KIAA1217: variants seen among roughly 807,000 people sequenced by gnomAD.
KIAA1217 encodes KIAA1217.
Under a neutral mutation model 163.9 loss-of-function variants are expected in KIAA1217, and 88 were observed. The observed-to-expected ratio is 0.54, with a 90% CI of 0.45 to 0.64. The LOEUF (loss-of-function observed/expected upper bound fraction) is 0.64. Among genes scored for constraint, KIAA1217 ranks in the 30% least tolerant of loss-of-function variants. KIAA1217 has a pLI of 0.00. For missense variants in KIAA1217, 2,372 were observed against 2,475.0 expected (o/e 0.96, Z 0.88); for synonymous variants, 903 against 923.1 (o/e 0.98, Z 0.39).
chr10:24,202,538 C>A (rs561283669), intron 2 of KIAA1217, among the ~76,000 whole-genome samples: 2 of 152,310 alleles, frequency 1.3e-5, no homozygotes, highest in East Asian at 3.9e-4. Context: ...GCACCACGGC[C>A]CCCAAGCCTT....
intron 2 of KIAA1217, among the ~76,000 whole-genome samples, chr10:24,026,463 A>T (rs1049023861): frequency 1.3e-5 from 2 of 151,914 alleles, no homozygotes; most frequent in Non-Finnish European, 2.9e-5. Flanking sequence ...TAGGACTATT[A>T]CCTATATCTT....
chr10:24,347,561 C>T (rs1348270207), intron 2 of KIAA1217, among the ~76,000 whole-genome samples: 1 of 152,076 alleles, frequency 6.6e-6, no homozygotes, highest in Non-Finnish European at 1.5e-5. Flanking sequence ...ATGGAAAAAG[C>T]CATAAGGCTT....
intron 2 of KIAA1217, among the ~76,000 whole-genome samples, chr10:24,302,707 G>A (rs917066915): frequency 1.3e-5 from 2 of 152,126 alleles, no homozygotes; most frequent in Non-Finnish European, 2.9e-5. Context: ...GACAGTGTAA[G>A]GGAAATCGAC....
At chr10:24,048,183 T>C (rs1190490707) in intron 2 of KIAA1217, among the ~76,000 whole-genome samples, 1 of 152,230 alleles carries the variant, frequency 6.6e-6, no homozygotes, top group African/African-American at 2.4e-5. Context: ...GGCTCATTAC[T>C]GAGACCAGTT....
At chr10:24,183,115 C>G (rs1041660536) in intron 2 of KIAA1217, among the ~76,000 whole-genome samples, 78 of 152,204 alleles carry the variant, frequency 5.1e-4, no homozygotes, top group African/African-American at 1.7e-3. Context: ...CAGGTTTTCT[C>G]TTTTCACACA....
intron 2 of KIAA1217, among the ~76,000 whole-genome samples, chr10:24,176,975 G>A (rs573411283): frequency 6.6e-6 from 1 of 152,148 alleles, no homozygotes; most frequent in Admixed American, 6.5e-5. Context: ...CGGGTGCTAA[G>A]TCCCTCACTG....
intron 1 of KIAA1217, among the ~76,000 whole-genome samples, chr10:23,906,261 C>G (rs1228306770): frequency 1.3e-5 from 2 of 150,442 alleles, no homozygotes; most frequent in East Asian, 3.9e-4. Context: ...GAAGCACACA[C>G]ACACACACAC....
chr10:23,999,023 A>G (rs1190117928), intron 1 of KIAA1217, among the ~76,000 whole-genome samples: 1 of 152,210 alleles, frequency 6.6e-6, no homozygotes, highest in East Asian at 1.9e-4. Flanking sequence ...GCTTTATATT[A>G]ATATTTCTGA....
At chr10:24,324,369 C>A (rs1470576320) in intron 2 of KIAA1217, among the ~76,000 whole-genome samples, 1 of 152,112 alleles carries the variant, frequency 6.6e-6, no homozygotes, top group Admixed American at 6.5e-5. Context: ...GAGTTTAAGA[C>A]CAGCCTGTCC....
intron 2 of KIAA1217, among the ~76,000 whole-genome samples, chr10:24,379,597 T>C (rs528558735): frequency 4.0e-4 from 61 of 152,270 alleles, no homozygotes; most frequent in African/African-American, 1.4e-3. Context: ...TTGGTTCTGT[T>C]GAGAGGGGTC....
chr10:23,912,449 G>T (rs867452043), intron 1 of KIAA1217, among the ~76,000 whole-genome samples: 5 of 151,402 alleles, frequency 3.3e-5, no homozygotes, highest in Non-Finnish European at 5.9e-5. Flanking sequence ...AGCGAACATT[G>T]TACCCAAGAG....
intron 2 of KIAA1217, among the ~76,000 whole-genome samples, chr10:24,172,922 G>A (rs1486694706): frequency 6.6e-6 from 1 of 152,162 alleles, no homozygotes; most frequent in African/African-American, 2.4e-5. Flanking sequence ...AGAATTATAA[G>A]TTTCAATGAA....
intron 1 of KIAA1217, among the ~76,000 whole-genome samples, chr10:23,796,795 G>A (rs765354536): frequency 2.0e-5 from 3 of 152,026 alleles, no homozygotes; most frequent in Non-Finnish European, 4.4e-5. Flanking sequence ...ATCACTGAAG[G>A]AACAGAATAC....
chr10:24,180,077 C>A (rs905305954), intron 2 of KIAA1217, among the ~76,000 whole-genome samples: 1 of 152,130 alleles, frequency 6.6e-6, no homozygotes, highest in Non-Finnish European at 1.5e-5. Context: ...TGAAATTTAT[C>A]CCCTGCTTTT....
intron 3 of KIAA1217, among the ~76,000 whole-genome samples, chr10:24,409,722 C>A (rs116871247): frequency 6.6e-6 from 1 of 152,002 alleles, no homozygotes; most frequent in Admixed American, 6.6e-5. Flanking sequence ...ACCCAATTTG[C>A]AGTCTTTTAT....
chr10:24,108,395 G>A (rs539314122), intron 2 of KIAA1217, among the ~76,000 whole-genome samples: 7 of 152,170 alleles, frequency 4.6e-5, no homozygotes, highest in Non-Finnish European at 1.0e-4. Flanking sequence ...GTAAATAAGG[G>A]CTGGAGGGAA....
intron 5 of KIAA1217, among the ~76,000 whole-genome samples, chr10:24,450,818 C>T (rs1469840676): frequency 6.6e-6 from 1 of 152,186 alleles, no homozygotes; most frequent in Non-Finnish European, 1.5e-5. Flanking sequence ...GGATTTAAAT[C>T]CAGGCTGACT....
chr10:24,221,878 T>C (rs1311427384), intron 2 of KIAA1217, among the ~76,000 whole-genome samples: 1 of 151,952 alleles, frequency 6.6e-6, no homozygotes, highest in Admixed American at 6.6e-5. Context: ...AACAAAAAAA[T>C]TTAAAAAAAT....
At chr10:23,851,735 G>T (rs1204714004) in intron 1 of KIAA1217, among the ~76,000 whole-genome samples, 4 of 152,110 alleles carry the variant, frequency 2.6e-5, no homozygotes, top group Admixed American at 2.0e-4. Flanking sequence ...TCTCATTGTG[G>T]TTTTGATTTG....
Sources: gnomAD v4.1 joint callset for allele counts (sites outside exome capture counted in the v4.1 genomes callset) on GRCh38, gnomAD v4.1.1 for gene constraint, MANE v1.5 for transcripts, NCBI Gene and HGNC (gene_info 2026-07-23, HGNC 2026-07-21) for gene names.